BLM: variants seen among roughly 807,000 people sequenced by gnomAD.
BLM encodes the protein BLM RecQ like helicase.
In BLM, 95 loss-of-function variants were observed where a neutral mutation model predicts 135.3. The observed-to-expected ratio is 0.70, with a 90% CI of 0.59 to 0.83. The LOEUF is 0.83. BLM is among the 40% of genes least tolerant of loss of function. The pLI is 0.00. For synonymous variants in BLM, 520 were observed against 589.2 expected, an observed-to-expected ratio of 0.88 and a Z score of 1.70; for missense variants, 1,518 against 1,663.9, an observed-to-expected ratio of 0.91 and a Z score of 1.53.
intron 1 of BLM, among the ~76,000 whole-genome samples, chr15:90,744,903 T>G (rs1451967378): frequency 1.3e-5 from 2 of 151,234 alleles, no homozygotes; most frequent in Non-Finnish European, 1.5e-5. Context: ...TACAAAAAAA[T>G]TAGTGGGGCA....
intron 8 of BLM, among the ~76,000 whole-genome samples, chr15:90,764,905 C>G: frequency 6.6e-6 from 1 of 151,942 alleles, no homozygotes. Context: ...AATGTCTCTA[C>G]TAAAAATACA....
chr15:90,801,093 G>A lies in BLM; in HGVS notation c.3359-2428G>A, dbSNP rs569909373. 4.6e-5 allele frequency among the ~76,000 whole-genome samples: 7 copies of A among 151,898 alleles called. No homozygotes were observed. The East Asian group carries it at 1.2e-3, about 25-fold the overall frequency. ...GAATCTGGGAGGCGGAGGTTGCAGT[G>A]AGCTAAGATCGCACCACTGCACTCC... is the stretch of plus-strand genomic sequence containing the variant. On this transcript the variant is annotated intron_variant, in intron 17 of 21. Transcript: ENST00000355112.
intron 1 of BLM, among the ~76,000 whole-genome samples, chr15:90,745,099 T>C (rs1895465537): frequency 6.6e-6 from 1 of 151,880 alleles, no homozygotes; most frequent in Admixed American, 6.6e-5. Flanking sequence ...CGATTCCAAA[T>C]CTGGTGCAAA....
intron 17 of BLM, among the ~76,000 whole-genome samples, chr15:90,802,195 A>G (rs1897180978): frequency 6.6e-6 from 1 of 152,264 alleles, no homozygotes; most frequent in South Asian, 2.1e-4. Flanking sequence ...AATTACTTAA[A>G]GAAAATTTTG....
intron 21 of BLM, 115 bp from the exon 22 acceptor site, chr15:90,814,987 A>C (rs1897519338): frequency 9.3e-7 from 1 of 1,080,832 alleles, no homozygotes; most frequent in Admixed American, 1.9e-5. Flanking sequence ...CAGAAAATGC[A>C]CAAGGACACA....
At chr15:90,802,888 A>C (rs1431747334) in intron 17 of BLM, among the ~76,000 whole-genome samples, 1 of 152,234 alleles carries the variant, frequency 6.6e-6, no homozygotes, top group Non-Finnish European at 1.5e-5. Context: ...TGATGTGCTT[A>C]CTTCACACTG....
Position 90,718,941 on chromosome 15 carries a change from T to C in BLM, c.-5+1501T>C, listed in dbSNP as rs559831508. 1.2e-4 allele frequency among the ~76,000 whole-genome samples: 19 copies of C among 152,214 alleles called. No individual in the cohort carries two copies. The South Asian group carries it at 3.7e-3, about 30-fold the overall frequency. ...AGTTTATTGTTTTGATTTTTAAATTTTTATCTGTTTTTTCCTTTTTCATAG... is the reference window on the plus strand; with the variant it reads ...AGTTTATTGTTTTGATTTTTAAATTCTTATCTGTTTTTTCCTTTTTCATAG... On this transcript the variant is annotated intron_variant, in intron 1 of 21. Transcript: ENST00000355112.
chr15:90,737,409 A>G (rs771218721), intron 1 of BLM, among the ~76,000 whole-genome samples: 23 of 152,314 alleles, frequency 1.5e-4, no homozygotes, highest in East Asian at 7.7e-4. Context: ...GATCATATCT[A>G]ATGGCCAGGT....
chr15:90,809,398 GC>G, intron 20 of BLM, 139 bp downstream of exon 20: 1 of 1,372,892 alleles, frequency 7.3e-7, no homozygotes, highest in Non-Finnish European at 1.0e-6. Context: ...CCAGTGGTGT[GC>G]CAGTCACCTC....
At chr15:90,808,923 A>G (rs943643153) in intron 19 of BLM, 3 of 633,680 alleles carry the variant, frequency 4.7e-6, no homozygotes, top group South Asian at 1.8e-5. Context: ...GCCCTGGCCT[A>G]TGCCGCTGGA....
chr15:90,767,114 G>A, intron 10 of BLM, 91 bp downstream of exon 10: 3 of 787,512 alleles, frequency 3.8e-6, no homozygotes, highest in Non-Finnish European at 4.0e-6. Context: ...TATACGTAGT[G>A]CAAAGAATTT....
intron 8 of BLM, among the ~76,000 whole-genome samples, chr15:90,764,230 G>GAT (rs1039700634): frequency 2.7e-5 from 4 of 147,414 alleles, no homozygotes; most frequent in African/African-American, 9.9e-5. Context: ...GTGAGAGAGA[G>GAT]ATATATATAA....
In BLM at chr15:90,777,719, G is replaced by A. The variant is rs575538593; in HGVS notation, c.2556-5103G>A. ...ACTATAAAATTCATCCATTTAAAGG[G>A]TACAATTTAGTGGGTTGCTTTTTTT... On this transcript the variant is annotated intron_variant, in intron 12 of 21. Coordinates refer to ENST00000355112, the MANE Select transcript of BLM (RefSeq NM_000057.4). 2.0e-5 allele frequency among the ~76,000 whole-genome samples: 3 copies of A among 152,196 alleles called. No homozygotes were observed. The East Asian group carries it at 5.8e-4, about 29-fold the overall frequency.
At position 90,754,826 on chromosome 15, in the gene BLM, T is replaced by C. The variant is rs779364338; in HGVS notation, c.975T>C (p.Leu325=). Residue 325 remains leucine (L), a synonymous_variant, in exon 5 of 22, where the codon CTT becomes CTC. Coordinates refer to ENST00000355112, the MANE Select transcript of BLM (RefSeq NM_000057.4). ...SSKCLSTLKD[L]DTSDRKEDVL... is the part of the protein sequence containing the mutation. ...TTATTTGCAGTACGTTAAAGGACCT[T>C]GACACCTCTGACAGAAAAGAGGATG... 5.6e-6 allele frequency: 9 copies of C among 1,613,898 alleles called. No homozygotes were observed. The highest frequency in any genetic ancestry group is 7.6e-6 in the Non-Finnish European group (9 of 1,179,894).
intron 1 of BLM, 123 bp downstream of exon 1, chr15:90,717,563 C>T (rs920566299): frequency 6.5e-6 from 1 of 152,680 alleles, no homozygotes; most frequent in African/African-American, 2.4e-5. Flanking sequence ...CCTCGGCCCG[C>T]TGAGTCCTCT....
intron 7 of BLM, among the ~76,000 whole-genome samples, 171 bp from the exon 8 acceptor site, chr15:90,762,795 G>A (rs1211035152): frequency 6.6e-6 from 1 of 152,122 alleles, no homozygotes; most frequent in Non-Finnish European, 1.5e-5. Context: ...TGGGACTTTG[G>A]CAAGTTTTTG....
rs75264671 is a variant in BLM at position 90,758,537 on chromosome 15, G to A, written c.1088-1610G>A. ...TACTGCTTTGAAATTCTATTTATTA[G>A]TTATGGCTTAATTTTTAAAATGGGA... On this transcript the variant is annotated intron_variant, in intron 5 of 21. Coordinates refer to ENST00000355112, the MANE Select transcript of BLM (RefSeq NM_000057.4). Among the ~76,000 whole-genome samples, 761 of 152,194 alleles carry A rather than the reference G, an allele frequency of 5.0e-3. 5 individuals carry two copies. Among genetic ancestry groups the A allele is most frequent in the African/African-American group, 0.018 (737 of 41,558 alleles).
intron 1 of BLM, among the ~76,000 whole-genome samples, chr15:90,742,525 C>T (rs1291903952): frequency 1.3e-5 from 2 of 152,078 alleles, no homozygotes; most frequent in African/African-American, 4.8e-5. Context: ...CAACCAGTAA[C>T]TTTAGTGTCA....
chr15:90,729,995 G>A (rs375378964), intron 1 of BLM, among the ~76,000 whole-genome samples: 12 of 151,890 alleles, frequency 7.9e-5, no homozygotes, highest in Admixed American at 3.9e-4. Flanking sequence ...ACAGGTACGC[G>A]CCACCATGAC....
Sources: gnomAD v4.1 joint callset for allele counts (sites outside exome capture counted in the v4.1 genomes callset) on GRCh38, gnomAD v4.1.1 for gene constraint, MANE v1.5 for transcripts, NCBI Gene and HGNC (gene_info 2026-07-23, HGNC 2026-07-21) for gene names.